ZNF221: variants seen among roughly 807,000 people sequenced by gnomAD.
ZNF221 encodes zinc finger protein 221.
A neutral mutation model predicts 12.6 loss-of-function variants in ZNF221; 10 were observed. The observed-to-expected ratio is 0.79, with a 90% CI of 0.49 to 1.34. The LOEUF (loss-of-function observed/expected upper bound fraction) is 1.34. Among genes scored for constraint, ZNF221 ranks in the 40% most tolerant of loss-of-function variants. The pLI is 0.00. For synonymous variants in ZNF221, 232 were observed against 244.0 expected, an observed-to-expected ratio of 0.95 and a Z score of 0.46; for missense variants, 661 against 721.4, an observed-to-expected ratio of 0.92 and a Z score of 0.96.
At chr19:43,978,933 G>GT in the ZNF221 span, among the ~76,000 whole-genome samples, 111 of 141,946 alleles carry the variant, frequency 7.8e-4, no homozygotes, top group African/African-American at 2.9e-3. Context: ...GTGTGTGTGT[G>GT]TTTTTTTTTT....
intron 1 of ZNF221, among the ~76,000 whole-genome samples, chr19:43,954,238 G>C (rs1226205111): frequency 6.6e-6 from 1 of 152,148 alleles, no homozygotes; most frequent in Non-Finnish European, 1.5e-5. Context: ...AGTAGGAGTG[G>C]TCTTAGCAAA....
Position 43,966,734 on chromosome 19 carries a change from A to G in ZNF221, c.1232A>G (p.Asn411Ser). ...KTFRWSSCLL[N>S]HQQVHSGQKS... ...TTCAGATGGTCCTCATGTCTTTTGA[A>G]CCATCAGCAAGTCCACAGTGGACAA... The change falls in exon 5 of 5, where the codon AAC becomes AGC. Residue 411 changes from asparagine to serine, a missense_variant. By Grantham distance (46) the Asn-to-Ser change is conservative (BLOSUM62 1). Coordinates refer to ENST00000587682, the MANE Select transcript of ZNF221 (RefSeq NM_001297588.2). The G allele has an allele frequency of 1.2e-6, 2 of 1,614,256 alleles. No homozygotes were observed. The highest frequency in any genetic ancestry group is 1.7e-6 in the Non-Finnish European group (2 of 1,180,048).
At chr19:43,962,291 C>A (rs540523355) in intron 1 of ZNF221, among the ~76,000 whole-genome samples, 9 of 152,162 alleles carry the variant, frequency 5.9e-5, no homozygotes, top group Non-Finnish European at 1.3e-4. Context: ...TTTTCGCCCC[C>A]CAATTGGACT....
chr19:43,957,204 G>T (rs531903627), intron 1 of ZNF221, among the ~76,000 whole-genome samples: 1 of 152,132 alleles, frequency 6.6e-6, no homozygotes, highest in African/African-American at 2.4e-5. Context: ...TTTTTGAGAT[G>T]GAGTCCTGCT....
intron 1 of ZNF221, among the ~76,000 whole-genome samples, chr19:43,952,807 C>T (rs932509441): frequency 2.6e-5 from 4 of 152,134 alleles, no homozygotes; most frequent in African/African-American, 9.7e-5. Flanking sequence ...ACTTTGTCAA[C>T]TATTTTTTTT....
chr19:43,962,579 G>C (rs1334399714), intron 1 of ZNF221, 146 bp from the exon 2 acceptor site: 4 of 731,332 alleles, frequency 5.5e-6, no homozygotes, highest in Non-Finnish European at 9.7e-6. Flanking sequence ...CCGTAGGAGG[G>C]CATTTTGCTT....
rs1223916931 is a variant in ZNF221 at position 43,965,033 on chromosome 19, C to T, written c.165C>T (p.Tyr55=). 2.5e-6 allele frequency: 4 copies of T among 1,614,124 alleles called. No individual in the cohort carries two copies. In the East Asian group the frequency reaches 8.9e-5, roughly 36 times the overall value. ...TGGACCCTGCCCAGAGGAAGCTGTA[C>T]CGAGATGTGATGCTAGAGAACTTCA... is the stretch of plus-strand genomic sequence containing the variant. ...GLLDPAQRKL[Y]RDVMLENFRN... The change falls in exon 3 of 5, where the codon TAC becomes TAT. Residue 55 remains tyrosine, a synonymous_variant. Coordinates refer to ENST00000587682, the MANE Select transcript of ZNF221 (RefSeq NM_001297588.2).
chr19:43,961,234 C>T (rs892218784), intron 1 of ZNF221, among the ~76,000 whole-genome samples: 8 of 152,376 alleles, frequency 5.3e-5, no homozygotes, highest in Non-Finnish European at 8.8e-5. Context: ...GCTCAAGCCA[C>T]AGCACCTGCC....
chr19:43,967,161 G>A lies in ZNF221; in HGVS notation c.1659G>A (p.Gln553=), dbSNP rs57470218. The change falls in exon 5 of 5, where the codon CAG becomes CAA. Residue 553 remains glutamine, a synonymous_variant. Coordinates refer to ENST00000587682, the MANE Select transcript of ZNF221 (RefSeq NM_001297588.2). ...GTAAATTTAATCTTGACATGCACCA[G>A]AGGGTCCACGGGGGAGAGCGACCCT... ...YNSKFNLDMH[Q]RVHGGERPYN... is the part of the protein sequence containing the mutation. The A allele has an allele frequency of 6.3e-7, 1 of 1,594,236 alleles. No individual in the cohort carries two copies. The highest frequency in any genetic ancestry group is 2.3e-5 in the East Asian group (1 of 43,096).
intron 1 of ZNF221, among the ~76,000 whole-genome samples, chr19:43,957,995 T>C (rs1456960597): frequency 6.6e-6 from 1 of 152,206 alleles, no homozygotes; most frequent in Non-Finnish European, 1.5e-5. Flanking sequence ...TGGAAGGTAT[T>C]AGTACAGTCC....
At chr19:43,968,775 G>A (rs1170976779), downstream of ZNF221, among the ~76,000 whole-genome samples, 2 of 152,204 alleles carry the variant, frequency 1.3e-5, no homozygotes, top group Non-Finnish European at 2.9e-5. Flanking sequence ...GGTGTGGCAT[G>A]GAGCCAAAGG....
At chr19:43,979,027 C>G in the ZNF221 span, among the ~76,000 whole-genome samples, 1 of 149,460 alleles carries the variant, frequency 6.7e-6, no homozygotes, top group Non-Finnish European at 1.5e-5. Flanking sequence ...AAAATACACT[C>G]ATTTTACTTG....
At chr19:43,976,443 A>C in the ZNF221 span, among the ~76,000 whole-genome samples, 658 of 152,238 alleles carry the variant, frequency 4.3e-3, 1 homozygote, top group Non-Finnish European at 7.2e-3. Context: ...AGGCTGAGGC[A>C]TGAGAATCGC....
Position 43,966,077 on chromosome 19 carries a change from A to C in ZNF221, c.575A>C (p.His192Pro), listed in dbSNP as rs1974944822. Residue 192 changes from histidine to proline, a missense_variant, in exon 5 of 5, where the codon CAC becomes CCC. Physicochemically the swap from His to Pro is moderately conservative, Grantham distance 77. Coordinates refer to ENST00000587682, the MANE Select transcript of ZNF221 (RefSeq NM_001297588.2). Reference protein sequence around the residue: ...VSVFDLHQQSHSGEKSHTCGE... With the variant: ...VSVFDLHQQSPSGEKSHTCGE... ...GTCTTTGATCTTCATCAACAATCAC[A>C]CTCAGGAGAGAAATCTCATACATGT... 6.2e-7 allele frequency: 1 copy of C among 1,614,254 alleles called. No individual in the cohort carries two copies. Among genetic ancestry groups the C allele is most frequent in the East Asian group, 2.2e-5 (1 of 44,880 alleles).
chr19:43,977,999 GC>G, the ZNF221 span, among the ~76,000 whole-genome samples: 2 of 152,206 alleles, frequency 1.3e-5, no homozygotes, highest in Non-Finnish European at 2.9e-5. Context: ...CCAGAAGCAA[GC>G]TTACCAGAGT....
intron 4 of ZNF221, 91 bp from the exon 5 acceptor site, chr19:43,965,713 T>A: frequency 8.3e-7 from 1 of 1,210,646 alleles, no homozygotes; most frequent in Non-Finnish European, 1.2e-6. Context: ...CTGTTTTCAT[T>A]AAAGTTTAAT....
chr19:43,981,155 AAAT>A, the ZNF221 span, among the ~76,000 whole-genome samples: 1 of 152,256 alleles, frequency 6.6e-6, no homozygotes, highest in Admixed American at 6.5e-5. Context: ...ACAAAAAGAA[AAAT>A]AATATTGACA....
the ZNF221 span, among the ~76,000 whole-genome samples, chr19:43,978,935 T>TG: frequency 0.23 from 26,861 of 116,372 alleles, 2,618 homozygotes; most frequent in East Asian, 0.44. Flanking sequence ...GTGTGTGTGT[T>TG]TTTTTTTTTT....
In ZNF221 at chr19:43,955,548, A is replaced by C. The variant is rs548689982; in HGVS notation, c.-3+4148A>C. On this transcript the variant is annotated intron_variant, in intron 1 of 4. Coordinates refer to ENST00000587682, the MANE Select transcript of ZNF221 (RefSeq NM_001297588.2). ...ACACCCCCTACTTCAAATTTCTGTA[A>C]GTTCATGCCTCACATGGGCATCCCC... Among the ~76,000 whole-genome samples the C allele has an allele frequency of 2.0e-5, 3 of 152,244 alleles. 1 individual carries two copies. In the Middle Eastern group the frequency reaches 0.01, roughly 518 times the overall value.
Sources: allele counts gnomAD v4.1 joint callset (sites outside exome capture counted in the v4.1 genomes callset), GRCh38; gene constraint gnomAD v4.1.1; transcripts MANE v1.5; gene names NCBI Gene and HGNC (gene_info 2026-07-23, HGNC 2026-07-21).